COL12A1: variants seen among roughly 807,000 people sequenced by gnomAD.
COL12A1 encodes the protein collagen type XII alpha 1 chain.
In COL12A1, 114 loss-of-function variants were observed where a neutral mutation model predicts 349.7. The ratio of observed to expected loss-of-function variants is 0.33; its 90% CI spans 0.28 to 0.38. The LOEUF (loss-of-function observed/expected upper bound fraction) is 0.38, where lower values mean the gene tolerates loss of function less well. Among genes scored for constraint, COL12A1 ranks in the 10% least tolerant of loss-of-function variants. The probability of loss-of-function intolerance (pLI) is 1.00; values close to 1 mark genes in which losing one functional copy is unlikely to be tolerated. For missense variants in COL12A1, 3,284 were observed against 3,756.9 expected, an observed-to-expected ratio of 0.87 and a Z score of 3.29; for synonymous variants, 1,369 against 1,329.0, an observed-to-expected ratio of 1.03 and a Z score of -0.66.
intron 10 of COL12A1, among the ~76,000 whole-genome samples, chr6:75,182,308 C>T (rs1357190778): frequency 6.6e-6 from 1 of 151,786 alleles, no homozygotes; most frequent in Non-Finnish European, 1.5e-5. Context: ...TTTGCTGCAT[C>T]CATCAACTCG....
intron 8 of COL12A1, among the ~76,000 whole-genome samples, chr6:75,186,118 G>C (rs183177399): frequency 7.9e-4 from 121 of 152,250 alleles, no homozygotes; most frequent in Admixed American, 5.5e-3. Flanking sequence ...TTGACAAATG[G>C]GATCTAATTA....
intron 10 of COL12A1, among the ~76,000 whole-genome samples, chr6:75,182,385 CG>C (rs1203395524): frequency 6.6e-6 from 1 of 151,912 alleles, no homozygotes; most frequent in African/African-American, 2.4e-5. Context: ...CTATAGGTCC[CG>C]GTGTGTGATG....
In COL12A1 at chr6:75,128,246, A is replaced by G. The variant is rs750533587; in HGVS notation, c.6340+50T>C. The G allele has an allele frequency of 5.4e-6, 8 of 1,490,908 alleles. No individual in the cohort carries two copies. The Middle Eastern group carries it at 7.2e-4, about 133-fold the overall frequency. The allele number at this position is 1,490,908 out of a possible 1,614,324, so 92.4% of individuals were successfully genotyped here. ...TAAAAGGTATAAAAGCAACATTAAC[A>G]TATTGACAATTTCAAAGCAAAAATA... On this transcript the variant is annotated intron_variant, in intron 38 of 65. Transcript: ENST00000322507.
At chr6:75,179,095 C>T (rs1484207612) in intron 11 of COL12A1, among the ~76,000 whole-genome samples, 1 of 152,164 alleles carries the variant, frequency 6.6e-6, no homozygotes, top group Non-Finnish European at 1.5e-5. Flanking sequence ...CTATGGAAAA[C>T]ATTTAGCAGA....
chr6:75,122,040 A>G (rs376171853), intron 43 of COL12A1, among the ~76,000 whole-genome samples: 2 of 152,070 alleles, frequency 1.3e-5, no homozygotes, highest in African/African-American at 4.8e-5. Context: ...CTCTATTTTT[A>G]GCAGAGACGG....
intron 11 of COL12A1, among the ~76,000 whole-genome samples, chr6:75,178,204 T>G (rs1447593569): frequency 1.3e-5 from 2 of 152,184 alleles, no homozygotes; most frequent in African/African-American, 4.8e-5. Flanking sequence ...TAGTAAACTT[T>G]TAAAATAATA....
chr6:75,140,463 T>A (rs1452808409), intron 27 of COL12A1, among the ~76,000 whole-genome samples: 1 of 152,042 alleles, frequency 6.6e-6, no homozygotes, highest in Non-Finnish European at 1.5e-5. Flanking sequence ...CAGACCATCC[T>A]GGCTAACACG....
chr6:75,165,657 C>T lies in COL12A1; in HGVS notation c.2833G>A (p.Asp945Asn). Residue 945 changes from aspartate (D) to asparagine (N), a missense_variant, in exon 14 of 66, where the codon GAT (aspartate) becomes AAT (asparagine). Around this residue, in one of 2 missense-constraint regions of COL12A1, gnomAD observed 2,601 missense variants for 2,824.8 expected, o/e 0.92. Transcript: ENST00000322507. ...YRVSWKSLYD[D>N]VDTGEKNLPE... ...AGATTTTTCTCTCCAGTGTCAACAT[C>T]ATCATAAAGTGATTTCCATGAGACC... 11 of 1,614,020 alleles carry T rather than the reference C, an allele frequency of 6.8e-6. No individual in the cohort carries two copies. The highest frequency in any genetic ancestry group is 1.1e-5 in the South Asian group (1 of 91,080).
intron 28 of COL12A1, 116 bp from the exon 29 acceptor site, chr6:75,138,696 C>T: frequency 1.3e-6 from 2 of 1,548,180 alleles, no homozygotes; most frequent in Non-Finnish European, 1.8e-6. Context: ...TGCTCTGATG[C>T]ATGTCATGAG....
chr6:75,117,373 G>A lies in COL12A1; in HGVS notation c.7519+9C>T, dbSNP rs1484781556. The A allele has an allele frequency of 6.2e-7, 1 of 1,612,642 alleles. No homozygotes were observed. The highest frequency in any genetic ancestry group is 8.5e-7 in the Non-Finnish European group (1 of 1,179,024). ...GTGAGGTTATAGATCCATGTTGACT[G>A]TGACTTACTTGAAGTGGCAGTTTCA... is the stretch of plus-strand genomic sequence containing the variant. On this transcript the variant is annotated intron_variant, in intron 47 of 65. Transcript: ENST00000322507.
At chr6:75,114,593 G>A (rs1452635593) in intron 49 of COL12A1, among the ~76,000 whole-genome samples, 1 of 151,922 alleles carries the variant, frequency 6.6e-6, no homozygotes, top group African/African-American at 2.4e-5. Flanking sequence ...TCATAGAAAA[G>A]AAGCTATTCC....
At position 75,152,124 on chromosome 6, in the gene COL12A1, TACTC is replaced by T. The variant is rs765590083; in HGVS notation, c.3835+3_3835+6del. 1.2e-6 allele frequency: 2 copies of T among 1,613,690 alleles called. No individual in the cohort carries two copies. Among genetic ancestry groups the T allele is most frequent in the East Asian group, 4.5e-5 (2 of 44,880 alleles). ...AGCTGAAAGACTGTCAGACAGTCCTTACTCACCTGTGAGAGTATTGCCTCCTTTG... is the reference window on the plus strand; with the variant it reads ...AGCTGAAAGACTGTCAGACAGTCCTTACCTGTGAGAGTATTGCCTCCTTTG... On this transcript the variant is annotated splice_donor_5th_base_variant and intron_variant, in intron 19 of 65. Coordinates refer to ENST00000322507, the MANE Select transcript of COL12A1 (RefSeq NM_004370.6).
intron 20 of COL12A1, 26 bp from the exon 21 acceptor site, chr6:75,151,313 A>T: frequency 6.3e-7 from 1 of 1,595,784 alleles, no homozygotes; most frequent in Non-Finnish European, 8.6e-7. Flanking sequence ...TATACAAATT[A>T]AAAGCACTTC....
chr6:75,109,700 A>G (rs1768735674), intron 51 of COL12A1, among the ~76,000 whole-genome samples: 1 of 152,138 alleles, frequency 6.6e-6, no homozygotes, highest in African/African-American at 2.4e-5. Flanking sequence ...GGAAATCGAT[A>G]GAATTCAGGA....
intron 13 of COL12A1, among the ~76,000 whole-genome samples, chr6:75,174,019 G>A (rs554453364): frequency 2.4e-4 from 37 of 152,160 alleles, no homozygotes; most frequent in Middle Eastern, 3.4e-3. Flanking sequence ...TTCTCATTGC[G>A]GTGCAATTAA....
In COL12A1 at chr6:75,182,051, G is replaced by A. The variant is rs1453046240; in HGVS notation, c.1892-840C>T. ...GCAGATATTGCAGTGAGCATAGATTGCACCACTGCACTCCAGCCTGGGTGA... is the reference window on the plus strand; with the variant it reads ...GCAGATATTGCAGTGAGCATAGATTACACCACTGCACTCCAGCCTGGGTGA... On this transcript the variant is annotated intron_variant, in intron 10 of 65. Coordinates refer to ENST00000322507, the MANE Select transcript of COL12A1 (RefSeq NM_004370.6). 3.4e-5 allele frequency among the ~76,000 whole-genome samples: 5 copies of A among 146,310 alleles called. No homozygotes were observed. In the East Asian group the frequency reaches 1.0e-3, roughly 29 times the overall value.
chr6:75,091,875 G>T, intron 60 of COL12A1, among the ~76,000 whole-genome samples: 1 of 152,178 alleles, frequency 6.6e-6, no homozygotes, highest in Middle Eastern at 3.4e-3. Context: ...CCCTTGTACC[G>T]CCATACTTTG....
chr6:75,117,634 G>T, intron 46 of COL12A1, 88 bp from the exon 47 acceptor site: 2 of 1,425,906 alleles, frequency 1.4e-6, no homozygotes, highest in Non-Finnish European at 1.9e-6. Flanking sequence ...TATCAGAAAT[G>T]ATGCTGTATT....
intron 55 of COL12A1, among the ~76,000 whole-genome samples, chr6:75,103,319 GT>G (rs1768390942): frequency 6.6e-6 from 1 of 152,202 alleles, no homozygotes; most frequent in Non-Finnish European, 1.5e-5. Context: ...CAGAAAACCA[GT>G]GTGGAGCTGG....
Sources: gnomAD v4.1 joint callset for allele counts (sites outside exome capture counted in the v4.1 genomes callset) on GRCh38, gnomAD v4.1.1 for gene constraint, gnomAD v4.1.1 regional missense constraint, MANE v1.5 for transcripts, NCBI Gene and HGNC (gene_info 2026-07-23, HGNC 2026-07-21) for gene names.